The following YIPF3 variants were observed in gnomAD, a reference collection of about 807,000 sequenced individuals.
YIPF3 encodes protein YIPF3.
YIPF3 carries 18 observed loss-of-function variants against 40.3 expected under a neutral mutation model. The ratio of observed to expected loss-of-function variants is 0.45; its 90% CI spans 0.31 to 0.66. The LOEUF (loss-of-function observed/expected upper bound fraction) is 0.66. YIPF3 is among the 30% of genes least tolerant of loss of function. The pLI is 0.07. For missense variants in YIPF3, 406 were observed against 452.2 expected (o/e 0.90, Z 0.93); for synonymous variants, 190 against 179.6 (o/e 1.06, Z -0.46).
chr6:43,516,329 A>T, intron 1 of YIPF3: 2 of 966,132 alleles, frequency 2.1e-6, no homozygotes, highest in Non-Finnish European at 2.9e-6. Flanking sequence ...TCTTTCTCCT[A>T]TGTTACCTAT....
At position 43,512,793 on chromosome 6, in the gene YIPF3, G is replaced by C; in HGVS notation, c.748C>G (p.Leu250Val). The change falls in exon 7 of 9, where the codon CTG becomes GTG. Residue 250 changes from leucine to valine, a missense_variant. Transcript: ENST00000372422. Reference protein sequence around the residue: ...HLHALFYLFWLLVGGLSTLRM... With the variant: ...HLHALFYLFWVLVGGLSTLRM... Reference sequence around the variant, plus strand: ...AGTGTGGACAGTCCACCCACCAACAGCCAGAAGAGGTAGAAGAGGGCGTGG... The same window carrying C: ...AGTGTGGACAGTCCACCCACCAACACCCAGAAGAGGTAGAAGAGGGCGTGG... 6.2e-7 allele frequency: 1 copy of C among 1,614,006 alleles called. No individual in the cohort carries two copies. Among genetic ancestry groups the C allele is most frequent in the Non-Finnish European group, 8.5e-7 (1 of 1,180,008 alleles).
At position 43,512,312 on chromosome 6, in the gene YIPF3, A is replaced by G. The variant is rs1792687307; in HGVS notation, c.908T>C (p.Ile303Thr). 6.2e-7 allele frequency: 1 copy of G among 1,610,508 alleles called. No individual in the cohort carries two copies. The highest frequency in any genetic ancestry group is 2.2e-5 in the East Asian group (1 of 44,850). ...HFAYHKVVEG[I>T]LDTLEGPNIP... ...GTTGGGGCCCTCCAGTGTGTCCAGG[A>G]TCCCTGGAAGGAAGATGGAAGGTGA... Residue 303 changes from isoleucine to threonine, a missense_variant, in exon 9 of 9, where the codon ATC becomes ACC. Transcript: ENST00000372422.
At chr6:43,514,385 G>A (rs926230598) in intron 3 of YIPF3, among the ~76,000 whole-genome samples, 1 of 152,172 alleles carries the variant, frequency 6.6e-6, no homozygotes, top group Non-Finnish European at 1.5e-5. Flanking sequence ...TGAGGGAATA[G>A]TAAAAACGCC....
At chr6:43,515,497 C>T (rs372512800) in intron 3 of YIPF3, 98 bp downstream of exon 3, 11 of 1,187,668 alleles carry the variant, frequency 9.3e-6, no homozygotes, top group Middle Eastern at 2.0e-4. Flanking sequence ...GTCATGAAGA[C>T]GGGGAGCCCA....
Position 43,512,450 on chromosome 6 carries a change from T to C in YIPF3, c.894A>G (p.Lys298=). The change falls in exon 8 of 9, where the codon AAA becomes AAG. Residue 298 remains lysine (K), a synonymous_variant. Coordinates refer to ENST00000372422, the MANE Select transcript of YIPF3 (RefSeq NM_015388.4). The stretch of plus-strand genomic sequence containing the variant: ...CTTCCTGCCACTTACCCTCTACCAC[T>C]TTGTGGTAGGCAAAATGCAGATAGA... ...FLLYLHFAYH[K]VVEGILDTLE... is the part of the protein sequence containing the mutation. 12 of 1,614,074 alleles carry C rather than the reference T, an allele frequency of 7.4e-6. No homozygotes were observed. Among genetic ancestry groups the C allele is most frequent in the Non-Finnish European group, 1.0e-5 (12 of 1,179,994 alleles).
Position 43,511,979 on chromosome 6 carries a change from TG to T in YIPF3, c.*187del. ...CATTGGCTGCAGAGCCTTGCAGTCC[TG>T]GCCAGGAGTTCTTGGCCTTGTGCCT... On this transcript the variant is annotated 3_prime_UTR_variant, in exon 9 of 9. Coordinates refer to ENST00000372422, the MANE Select transcript of YIPF3 (RefSeq NM_015388.4). 1.1e-6 allele frequency: 1 copy of T among 911,122 alleles called. No homozygotes were observed. Among genetic ancestry groups the T allele is most frequent in the Non-Finnish European group, 1.6e-6 (1 of 618,206 alleles). The allele number at this position is 911,122 out of a possible 1,614,324, so 56.4% of individuals were successfully genotyped here. A position where few individuals can be genotyped will look rare whatever the true frequency, so the allele number is the denominator to read the frequency against.
chr6:43,513,721 C>T, intron 3 of YIPF3, 88 bp from the exon 4 acceptor site: 2 of 1,352,732 alleles, frequency 1.5e-6, no homozygotes, highest in African/African-American at 1.5e-5. Flanking sequence ...TCATCTCTAA[C>T]TCCAGGGAAT....
In YIPF3 at chr6:43,512,768, A is replaced by C. The variant is rs754965443; in HGVS notation, c.773T>G (p.Leu258Arg). 5 of 1,613,394 alleles carry C rather than the reference A, an allele frequency of 3.1e-6. No individual in the cohort carries two copies. The highest frequency in any genetic ancestry group is 4.2e-6 in the Non-Finnish European group (5 of 1,179,824). Residue 258 changes from leucine to arginine, a missense_variant, in exon 7 of 9, where the codon CTG becomes CGG. Physicochemically the swap from Leu to Arg is moderately radical, Grantham distance 102. Transcript: ENST00000372422. ...FWLLVGGLSTLRMVAVLVSRT... is the reference protein window; with the variant it reads ...FWLLVGGLSTRRMVAVLVSRT... ...GCCTCTTGCCCAGCTTACCATGCGCAGTGTGGACAGTCCACCCACCAACAG... is the reference window on the plus strand; with the variant it reads ...GCCTCTTGCCCAGCTTACCATGCGCCGTGTGGACAGTCCACCCACCAACAG...
rs190204308 is a variant in YIPF3, at chr6:43,512,307, C to A, written c.913G>T (p.Asp305Tyr). The A allele has an allele frequency of 3.2e-5, 51 of 1,610,310 alleles. No individual in the cohort carries two copies. In the East Asian group the frequency reaches 1.1e-3, roughly 34 times the overall value. ...GGGATGTTGGGGCCCTCCAGTGTGT[C>A]CAGGATCCCTGGAAGGAAGATGGAA... Reference protein sequence around the residue: ...AYHKVVEGILDTLEGPNIPPI... With the variant: ...AYHKVVEGILYTLEGPNIPPI... The change falls in exon 9 of 9, where the codon GAC becomes TAC. Residue 305 changes from aspartate (D) to tyrosine (Y), a missense_variant. Coordinates refer to ENST00000372422, the MANE Select transcript of YIPF3 (RefSeq NM_015388.4).
intron 1 of YIPF3, chr6:43,516,415 T>C (rs1792833800): frequency 1.6e-6 from 1 of 628,194 alleles, no homozygotes. Flanking sequence ...CATAGTATGT[T>C]TTCAGCGAAT....
intron 1 of YIPF3, 23 bp from the exon 2 acceptor site, chr6:43,516,118 A>G (rs1301726776): frequency 2.5e-6 from 4 of 1,613,828 alleles, no homozygotes; most frequent in Middle Eastern, 1.6e-4. Flanking sequence ...TGGCTCCTAG[A>G]GTGCAGGACT....
chr6:43,514,410 A>C (rs1241048145), intron 3 of YIPF3, among the ~76,000 whole-genome samples: 1 of 152,262 alleles, frequency 6.6e-6, no homozygotes, highest in Non-Finnish European at 1.5e-5. Flanking sequence ...CTTCCTGCTT[A>C]TCTGTGCCTC....
chr6:43,515,415 G>T, intron 3 of YIPF3, 180 bp downstream of exon 3: 3 of 701,298 alleles, frequency 4.3e-6, no homozygotes, highest in South Asian at 3.0e-5. Flanking sequence ...TCAGTTAGAT[G>T]GAAAAGAAGA....
chr6:43,516,226 C>A, intron 1 of YIPF3, 131 bp from the exon 2 acceptor site: 8 of 1,490,140 alleles, frequency 5.4e-6, no homozygotes, highest in Non-Finnish European at 7.1e-6. Context: ...CAGATCATGC[C>A]ACTCCATTCC....
chr6:43,513,260 C>A, intron 5 of YIPF3, 60 bp from the exon 6 acceptor site: 2 of 1,613,022 alleles, frequency 1.2e-6, no homozygotes, highest in Non-Finnish European at 1.7e-6. Context: ...TCACCTAGGG[C>A]CTTCCGCAGG....
At chr6:43,513,553 C>G (rs1320138818) in intron 4 of YIPF3, 35 bp downstream of exon 4, 1 of 1,595,206 alleles carries the variant, frequency 6.3e-7, no homozygotes, top group Admixed American at 1.7e-5. Flanking sequence ...CCTGGTGCTT[C>G]CCCCGGCTCT....
chr6:43,511,985 G>C lies in YIPF3; in HGVS notation c.*182C>G, dbSNP rs989207361. The C allele has an allele frequency of 8.3e-6, 8 of 964,318 alleles. No individual in the cohort carries two copies. Among genetic ancestry groups the C allele is most frequent in the Non-Finnish European group, 1.1e-5 (7 of 662,630 alleles). 59.7% of individuals were successfully genotyped at this position (964,318 alleles called of 1,614,324 possible). On this transcript the variant is annotated 3_prime_UTR_variant, in exon 9 of 9. Transcript: ENST00000372422. Reference sequence around the variant, plus strand: ...CTGCAGAGCCTTGCAGTCCTGGCCAGGAGTTCTTGGCCTTGTGCCTTTCAG... The same window carrying C: ...CTGCAGAGCCTTGCAGTCCTGGCCACGAGTTCTTGGCCTTGTGCCTTTCAG...
chr6:43,516,448 C>G, intron 1 of YIPF3: 1 of 609,018 alleles, frequency 1.6e-6, no homozygotes, highest in South Asian at 2.1e-5. Flanking sequence ...CACCCAACCC[C>G]ACTCCATGCC....
Position 43,512,218 on chromosome 6 carries a change from G to A in YIPF3, c.1002C>T (p.Thr334=), listed in dbSNP as rs139705418. Residue 334 remains threonine, a synonymous_variant, in exon 9 of 9, where the codon ACC becomes ACT. Transcript: ENST00000372422. Reference sequence around the variant, plus strand: ...CAGCTTTGGCTGTGGCGTTGAGGACGGTGGTGGGAAGCCGAGCAGCAGGGA... The same window carrying A: ...CAGCTTTGGCTGTGGCGTTGAGGACAGTGGTGGGAAGCCGAGCAGCAGGGA... ...AMLPAARLPT[T]VLNATAKAVA... 138 of 1,614,098 alleles carry A rather than the reference G, an allele frequency of 8.5e-5. 1 individual carries two copies. Among genetic ancestry groups the A allele is most frequent in the Non-Finnish European group, 3.7e-5 (44 of 1,180,016 alleles).
Sources: gnomAD v4.1 joint callset for allele counts (sites outside exome capture counted in the v4.1 genomes callset) on GRCh38, gnomAD v4.1.1 for gene constraint, MANE v1.5 for transcripts, NCBI Gene and HGNC (gene_info 2026-07-23, HGNC 2026-07-21) for gene names.